NCKAP1L: variants seen among roughly 807,000 people sequenced by gnomAD.
The protein encoded by NCKAP1L is NCK associated protein 1 like, also known as nck-associated protein 1-like.
Under a neutral mutation model 139.2 loss-of-function variants are expected in NCKAP1L, and 53 were observed. That is an observed-to-expected ratio of 0.38 (90% CI 0.31 to 0.48). The LOEUF (loss-of-function observed/expected upper bound fraction) is 0.48, where lower values mean the gene tolerates loss of function less well. Ranked by LOEUF, NCKAP1L falls within the 20% of genes least tolerant of loss-of-function variation. The pLI is 0.98. For synonymous variants in NCKAP1L, 468 were observed against 499.7 expected (o/e 0.94, Z 0.85); for missense variants, 1,151 against 1,381.9 (o/e 0.83, Z 2.65).
chr12:54,519,429 ATTTTTT>A (rs10686138), intron 16 of NCKAP1L, 97 bp downstream of exon 16: 31 of 502,082 alleles, frequency 6.2e-5, no homozygotes, highest in African/African-American at 2.9e-4. Flanking sequence ...ATTTTGTTTA[ATTTTTT>A]TTTTTTTTTT....
chr12:54,519,393 C>A, intron 16 of NCKAP1L, 61 bp downstream of exon 16: 4 of 1,229,476 alleles, frequency 3.3e-6, no homozygotes, highest in Admixed American at 2.9e-5. Flanking sequence ...TCATTTTTTT[C>A]TCCATTATGC....
At chr12:54,516,794 C>CT in intron 10 of NCKAP1L, 102 bp from the exon 11 acceptor site, 3 of 1,020,158 alleles carry the variant, frequency 2.9e-6, no homozygotes, top group Non-Finnish European at 4.5e-6. Flanking sequence ...AACCTTCCTT[C>CT]TGCCTGATAT....
chr12:54,498,399 T>TTG (rs766272206), intron 1 of NCKAP1L, among the ~76,000 whole-genome samples: 5,874 of 142,338 alleles, frequency 0.041, 142 homozygotes, highest in South Asian at 0.12. Context: ...GCTGTGGTGG[T>TTG]TGTGTGTGTG....
chr12:54,499,035 C>T (rs1419301342), intron 1 of NCKAP1L, among the ~76,000 whole-genome samples: 1 of 151,964 alleles, frequency 6.6e-6, no homozygotes, highest in African/African-American at 2.4e-5. Context: ...AAGCGATTCT[C>T]CTGCCTCAGC....
At chr12:54,498,940 T>C in intron 1 of NCKAP1L, 1 of 418,646 alleles carries the variant, frequency 2.4e-6, no homozygotes, top group Non-Finnish European at 3.2e-6. Flanking sequence ...TATTTATTTA[T>C]TTATTTTCGG....
chr12:54,516,807 C>A, intron 10 of NCKAP1L, 89 bp from the exon 11 acceptor site: 2 of 1,174,094 alleles, frequency 1.7e-6, no homozygotes, highest in Admixed American at 1.8e-5. Context: ...CCTGATATCC[C>A]TTCCTAAATA....
rs752125351 is a variant in NCKAP1L at position 54,520,756 on chromosome 12, G to A, written c.1688G>A (p.Arg563His). The A allele has an allele frequency of 3.6e-5, 58 of 1,613,888 alleles. 1 individual carries two copies. The highest frequency in any genetic ancestry group is 3.3e-4 in the South Asian group (30 of 91,080). ...ACCTTGGAGGAATCTGCCATGTTGC[G>A]TTATGCCATTGCTTTCCCCCTGATT... ...AMTLEESAMLRYAIAFPLICA... is the reference protein window; with the variant it reads ...AMTLEESAMLHYAIAFPLICA... The change falls in exon 17 of 31, where the codon CGT (arginine) becomes CAT (histidine). Residue 563 changes from arginine to histidine, a missense_variant. Arg to His is a conservative substitution (Grantham distance 29, BLOSUM62 0). Transcript: ENST00000293373.
At chr12:54,524,834 G>T (rs1450078653) in intron 20 of NCKAP1L, among the ~76,000 whole-genome samples, 1 of 152,042 alleles carries the variant, frequency 6.6e-6, no homozygotes, top group Non-Finnish European at 1.5e-5. Context: ...TGCGGTGCTG[G>T]TGGTGCTGGT....
chr12:54,524,859 G>A (rs1957014952), intron 20 of NCKAP1L, among the ~76,000 whole-genome samples: 1 of 152,030 alleles, frequency 6.6e-6, no homozygotes, highest in Admixed American at 6.6e-5. Flanking sequence ...GCAGAAGTAG[G>A]TGTTGCAGTT....
chr12:54,529,614 G>C (rs377261460), intron 22 of NCKAP1L, among the ~76,000 whole-genome samples: 6 of 152,050 alleles, frequency 3.9e-5, no homozygotes, highest in African/African-American at 1.4e-4. Flanking sequence ...CTGACCCTAC[G>C]CTTTACCTGC....
chr12:54,500,514 T>G lies in NCKAP1L; in HGVS notation c.214-19T>G. 6.4e-7 allele frequency: 1 copy of G among 1,562,896 alleles called. No individual in the cohort carries two copies. The highest frequency in any genetic ancestry group is 8.8e-7 in the Non-Finnish European group (1 of 1,133,812). On this transcript the variant is annotated intron_variant, in intron 2 of 30. Coordinates refer to ENST00000293373, the MANE Select transcript of NCKAP1L (RefSeq NM_005337.5). ...CTTATTTTGCACTTTTTTATTGTTT[T>G]GTTTTGTGTTTCTCTCAGCAACATT...
rs1184615259 is a variant in NCKAP1L at position 54,523,834 on chromosome 12, G to A, written c.2034G>A (p.Lys678=). ...TCATTTTCCTTTCTAGCATGGACAA[G>A]CTACACCTAAACTTGACAGAACTGG... is the stretch of plus-strand genomic sequence containing the variant. ...KNRSIVTNMD[K]LHLNLTELAL... Residue 678 remains lysine, a synonymous_variant, in exon 20 of 31, where the codon AAG becomes AAA. Coordinates refer to ENST00000293373, the MANE Select transcript of NCKAP1L (RefSeq NM_005337.5). 1 of 1,613,780 alleles carries A rather than the reference G, an allele frequency of 6.2e-7. No homozygotes were observed. The highest frequency in any genetic ancestry group is 2.2e-5 in the East Asian group (1 of 44,892).
At chr12:54,512,278 G>A in intron 9 of NCKAP1L, 173 bp downstream of exon 9, 1 of 604,784 alleles carries the variant, frequency 1.7e-6, no homozygotes, top group East Asian at 3.2e-5. Context: ...TGGGTTTTAG[G>A]GACACAATAA....
rs111876702 is a variant in NCKAP1L at position 54,510,434 on chromosome 12, C to T, written c.735+449C>T. ...CACCTCCTGGGCTCAAGTGATCCTC[C>T]CACTTCAGCCTCCCGAGTAGCTGGG... On this transcript the variant is annotated intron_variant, in intron 7 of 30. Coordinates refer to ENST00000293373, the MANE Select transcript of NCKAP1L (RefSeq NM_005337.5). 441 of 364,608 alleles carry T rather than the reference C, an allele frequency of 1.2e-3. 2 individuals carry two copies. Among genetic ancestry groups the T allele is most frequent in the African/African-American group, 8.5e-3 (395 of 46,236 alleles). 22.6% of individuals were successfully genotyped at this position (364,608 alleles called of 1,614,324 possible). A position where few individuals can be genotyped will look rare whatever the true frequency, so the allele number is the denominator to read the frequency against.
At chr12:54,520,930 A>G in intron 17 of NCKAP1L, 104 bp downstream of exon 17, 1 of 1,524,478 alleles carries the variant, frequency 6.6e-7, no homozygotes, top group South Asian at 1.1e-5. Context: ...GGGTATAAAC[A>G]TAGATGTATG....
intron 16 of NCKAP1L, among the ~76,000 whole-genome samples, chr12:54,519,703 A>G (rs184611500): frequency 2.0e-5 from 3 of 152,252 alleles, no homozygotes; most frequent in African/African-American, 7.2e-5. Flanking sequence ...CACTTGTGTC[A>G]GCTTTTTACC....
rs781000011 is a variant in NCKAP1L at position 54,497,860 on chromosome 12, G to A, written c.71G>A (p.Gly24Glu). 1 of 1,612,008 alleles carries A rather than the reference G, an allele frequency of 6.2e-7. No individual in the cohort carries two copies. Among genetic ancestry groups the A allele is most frequent in the Non-Finnish European group, 8.5e-7 (1 of 1,178,090 alleles). ...KLTILNDRGQ[G>E]VLIRMYNIKK... Reference sequence around the variant, plus strand: ...ACTATCCTGAATGATCGCGGTCAGGGGGTTCTCATCCGTATGTATAACATC... The same window carrying A: ...ACTATCCTGAATGATCGCGGTCAGGAGGTTCTCATCCGTATGTATAACATC... The change falls in exon 1 of 31, where the codon GGG becomes GAG. Residue 24 changes from glycine (G) to glutamate (E), a missense_variant. Gly to Glu is a moderately conservative substitution (Grantham distance 98, BLOSUM62 -2). Coordinates refer to ENST00000293373, the MANE Select transcript of NCKAP1L (RefSeq NM_005337.5).
chr12:54,516,998 A>G lies in NCKAP1L; in HGVS notation c.1095+6A>G, dbSNP rs1956938177. On this transcript the variant is annotated splice_donor_region_variant and intron_variant, in intron 11 of 30. Coordinates refer to ENST00000293373, the MANE Select transcript of NCKAP1L (RefSeq NM_005337.5). ...CGGGACTACTGGGTCCTAAGGCAAGAGGAAGAAATGTTGGGAGGGGAATGA... is the reference window on the plus strand; with the variant it reads ...CGGGACTACTGGGTCCTAAGGCAAGGGGAAGAAATGTTGGGAGGGGAATGA... 6.8e-6 allele frequency: 11 copies of G among 1,609,636 alleles called. No individual in the cohort carries two copies. The highest frequency in any genetic ancestry group is 9.3e-6 in the Non-Finnish European group (11 of 1,176,748).
Position 54,506,796 on chromosome 12 carries a change from A to AAAAAAAATATAT in NCKAP1L, c.307-1056_307-1055insAAAAAATATATA. On this transcript the variant is annotated intron_variant, in intron 3 of 30. Coordinates refer to ENST00000293373, the MANE Select transcript of NCKAP1L (RefSeq NM_005337.5). ...TTTTGGCAACATATTAAAAAAAAAA[A>AAAAAAAATATAT]ATATATATATATATATATATATATA... is the stretch of plus-strand genomic sequence containing the variant. 7.8e-3 allele frequency among the ~76,000 whole-genome samples: 396 copies of AAAAAAAATATAT among 50,580 alleles called. 8 individuals are homozygous for AAAAAAAATATAT. The highest frequency in any genetic ancestry group is 0.013 in the Admixed American group (39 of 2,974). 33.2% of individuals were successfully genotyped at this position (50,580 alleles called of 152,430 possible).
Sources: gnomAD v4.1 joint callset for allele counts (sites outside exome capture counted in the v4.1 genomes callset) on GRCh38, gnomAD v4.1.1 for gene constraint, MANE v1.5 for transcripts, NCBI Gene and HGNC (gene_info 2026-07-23, HGNC 2026-07-21) for gene names.